Variants in TSC2 observed in about 807,000 individuals in gnomAD.
The protein encoded by TSC2 is tuberin.
Under a neutral mutation model 202.2 loss-of-function variants are expected in TSC2, and 29 were observed. The observed-to-expected ratio is 0.14, with a 90% CI of 0.11 to 0.20. The LOEUF (loss-of-function observed/expected upper bound fraction) is 0.20. TSC2 is among the 10% of genes least tolerant of loss of function. The pLI is 1.00. For synonymous variants in TSC2, 1,349 were observed against 1,044.0 expected (o/e 1.29, Z -5.63); for missense variants, 2,429 against 2,420.0 (o/e 1.00, Z -0.08).
chr16:2,086,007 G>T (rs1476920292), intron 36 of TSC2, among the ~76,000 whole-genome samples, 186 bp from the exon 37 acceptor site: 1 of 152,194 alleles, frequency 6.6e-6, no homozygotes, highest in Non-Finnish European at 1.5e-5. Context: ...ACACGGGGCT[G>T]AGGGAAGAGA....
In TSC2 at chr16:2,088,624, C is replaced by G. The variant is rs530469388; in HGVS notation, c.*14C>G. 1.3e-6 allele frequency: 2 copies of G among 1,598,320 alleles called. No homozygotes were observed. The highest frequency in any genetic ancestry group is 1.3e-5 in the African/African-American group (1 of 74,748). ...GAGTTTGTGTGAGGCCGGGGCCCTC[C>G]CTCCTGCACTGGCCTTGGACGGTAT... is the stretch of plus-strand genomic sequence containing the variant. On this transcript the variant is annotated 3_prime_UTR_variant, in exon 42 of 42. Coordinates refer to ENST00000219476, the MANE Select transcript of TSC2 (RefSeq NM_000548.5).
At chr16:2,074,720 C>T in intron 22 of TSC2, 1 of 420,906 alleles carries the variant, frequency 2.4e-6, no homozygotes, top group South Asian at 2.2e-5. Context: ...TCGCTTCCCC[C>T]AGACTGTGAC....
chr16:2,086,967 C>G, intron 38 of TSC2, 96 bp downstream of exon 38: 1 of 1,526,486 alleles, frequency 6.6e-7, no homozygotes, highest in Non-Finnish European at 8.8e-7. Flanking sequence ...GCTTCGGTCA[C>G]GAGGAGCAGG....
At chr16:2,074,913 C>G (rs2089058423) in intron 22 of TSC2, 1 of 207,438 alleles carries the variant, frequency 4.8e-6, no homozygotes, top group Non-Finnish European at 1.0e-5. Flanking sequence ...TGTTGATAAC[C>G]CTTTAGAAGT....
At chr16:2,065,772 A>G in intron 16 of TSC2, 137 bp downstream of exon 16, 1 of 767,660 alleles carries the variant, frequency 1.3e-6, no homozygotes, top group Admixed American at 1.9e-5. Context: ...CGGTGGTCTC[A>G]GCAGGCAGCA....
rs1023398445 is a variant in TSC2, at chr16:2,079,814, T to G, written c.3397+145T>G. ...CACGTCCTGACTCTGGGGTGAGCCT[T>G]CCACAGCTCACCCCAGAGCCGTGGA... On this transcript the variant is annotated intron_variant, in intron 29 of 41. Transcript: ENST00000219476. This position sits in a 1 kb window ranked among gnomAD's most constrained non-coding sequence, Gnocchi z 4.6. 10 of 796,108 alleles carry G rather than the reference T, an allele frequency of 1.3e-5. No individual in the cohort carries two copies. The African/African-American group carries it at 1.7e-4, about 14-fold the overall frequency. 49.3% of individuals were successfully genotyped at this position (796,108 alleles called of 1,614,324 possible).
intron 14 of TSC2, chr16:2,063,778 C>G (rs1596309854): frequency 4.0e-6 from 1 of 251,382 alleles, no homozygotes; most frequent in Non-Finnish European, 7.8e-6. Flanking sequence ...CAGGGCTGGT[C>G]TTGTCCTGGT....
rs746677177 is a variant in TSC2 at position 2,071,603 on chromosome 16, G to T, written c.1933G>T (p.Val645Phe). Residue 645 changes from valine to phenylalanine, a missense_variant, in exon 18 of 42, where the codon GTC (valine) becomes TTC (phenylalanine). Physicochemically the swap from Val to Phe is conservative, Grantham distance 50 (BLOSUM62 -1). Transcript: ENST00000219476. Reference protein sequence around the residue: ...DGVVRFSPYCVCDYMEPERGS... With the variant: ...DGVVRFSPYCFCDYMEPERGS... ...AGTCGTGCGGTTCAGCCCCTACTGC[G>T]TCTGCGACTACATGTACGCGGGACC... 6.2e-7 allele frequency: 1 copy of T among 1,613,406 alleles called. No individual in the cohort carries two copies. Among genetic ancestry groups the T allele is most frequent in the African/African-American group, 1.3e-5 (1 of 75,068 alleles).
At chr16:2,061,839 G>A in intron 11 of TSC2, 32 bp from the exon 12 acceptor site, 1 of 1,613,928 alleles carries the variant, frequency 6.2e-7, no homozygotes, top group South Asian at 1.1e-5. Context: ...GGGAGTGGAA[G>A]TCAGCCTGTG....
At chr16:2,054,705 G>A (rs1032880449) in intron 5 of TSC2, 10 of 542,602 alleles carry the variant, frequency 1.8e-5, no homozygotes, top group African/African-American at 1.5e-4. Context: ...CTCTGCAACG[G>A]CAGGAGCTGG....
chr16:2,080,541 T>C (rs1237157374), intron 30 of TSC2, 164 bp downstream of exon 30: 4 of 788,358 alleles, frequency 5.1e-6, no homozygotes, highest in Non-Finnish European at 7.9e-6. Flanking sequence ...TGGAACGCAG[T>C]GGCGCAATCT....
chr16:2,071,973 G>C (rs2151310359), intron 19 of TSC2, 39 bp downstream of exon 19: 2 of 1,542,234 alleles, frequency 1.3e-6, no homozygotes, highest in Non-Finnish European at 1.7e-6. Flanking sequence ...TCCCACGTTG[G>C]GCCAGGAGGA....
intron 37 of TSC2, 117 bp downstream of exon 37, chr16:2,086,496 C>T (rs766650555): frequency 2.0e-6 from 3 of 1,469,080 alleles, no homozygotes; most frequent in Admixed American, 2.0e-5. Context: ...GCTCCAGCTC[C>T]CCACGCCTCA....
intron 5 of TSC2, chr16:2,054,929 G>A (rs779975823): frequency 6.7e-5 from 22 of 326,168 alleles, no homozygotes; most frequent in East Asian, 7.9e-5. Flanking sequence ...CTGTTCTGTC[G>A]CCCAGAAAAG....
rs759576009 is a variant in TSC2, at chr16:2,071,623, G to A, written c.1946+7G>A. The A allele has an allele frequency of 2.4e-5, 39 of 1,613,124 alleles. No individual in the cohort carries two copies. The highest frequency in any genetic ancestry group is 2.2e-4 in the Admixed American group (13 of 59,994). On this transcript the variant is annotated splice_region_variant and intron_variant, in intron 18 of 41. Coordinates refer to ENST00000219476, the MANE Select transcript of TSC2 (RefSeq NM_000548.5). Reference sequence around the variant, plus strand: ...ACTGCGTCTGCGACTACATGTACGCGGGACCTCGCCCACGGCCCATGAGGC... The same window carrying A: ...ACTGCGTCTGCGACTACATGTACGCAGGACCTCGCCCACGGCCCATGAGGC...
rs1310154984 is a variant in TSC2 at position 2,072,508 on chromosome 16, G to A, written c.2220+145G>A. On this transcript the variant is annotated intron_variant, in intron 20 of 41. Transcript: ENST00000219476. The stretch of plus-strand genomic sequence containing the variant: ...TCAGCTGCACTCTGGAGCGCAGATT[G>A]TGCCTTGGGCAGGGTGGAGGGACCC... The A allele has an allele frequency of 3.0e-6, 4 of 1,354,312 alleles. No individual in the cohort carries two copies. In the East Asian group the frequency reaches 7.0e-5, roughly 24 times the overall value. 83.9% of individuals were successfully genotyped at this position (1,354,312 alleles called of 1,614,324 possible). A position where few individuals can be genotyped will look rare whatever the true frequency, so the allele number is the denominator to read the frequency against.
chr16:2,077,128 G>A lies in TSC2; in HGVS notation c.2838-470G>A, dbSNP rs112191054. 1.1e-3 allele frequency among the ~76,000 whole-genome samples: 163 copies of A among 152,348 alleles called. 1 individual carries two copies. Among genetic ancestry groups the A allele is most frequent in the African/African-American group, 3.8e-3 (156 of 41,568 alleles). ...TTGTCTCCAGCCCCTGGGGGCCGGG[G>A]GCCAAGCTCGGCCATTACGGCCAGA... On this transcript the variant is annotated intron_variant, in intron 25 of 41. Transcript: ENST00000219476.
chr16:2,081,584 C>G lies in TSC2; in HGVS notation c.3611-11C>G, dbSNP rs375617364. 26 of 1,612,730 alleles carry G rather than the reference C, an allele frequency of 1.6e-5. No individual in the cohort carries two copies. Among genetic ancestry groups the G allele is most frequent in the Non-Finnish European group, 1.9e-5 (23 of 1,179,990 alleles). On this transcript the variant is annotated splice_polypyrimidine_tract_variant and intron_variant, in intron 30 of 41. Transcript: ENST00000219476. Reference sequence around the variant, plus strand: ...ACTGGCCTCAGGCCAAAGGTGCTGCCGCCTCCGCAGGGAACACCAGCTGGC... The same window carrying G: ...ACTGGCCTCAGGCCAAAGGTGCTGCGGCCTCCGCAGGGAACACCAGCTGGC...
At chr16:2,062,765 A>T in intron 13 of TSC2, 165 bp downstream of exon 13, 2 of 923,310 alleles carry the variant, frequency 2.2e-6, no homozygotes, top group Non-Finnish European at 3.4e-6. Context: ...TTTCCAGTCC[A>T]GCAGGACAGG....
Sources: allele counts gnomAD v4.1 joint callset (sites outside exome capture counted in the v4.1 genomes callset), GRCh38; gene constraint gnomAD v4.1.1; non-coding constraint Gnocchi (gnomAD v3.1); transcripts MANE v1.5; gene names NCBI Gene and HGNC (gene_info 2026-07-23, HGNC 2026-07-21).